RAD51C: variants seen among roughly 807,000 people sequenced by gnomAD.
The protein encoded by RAD51C is RAD51 paralog C, also known as DNA repair protein RAD51 homolog 3.
Under a neutral mutation model 45.0 loss-of-function variants are expected in RAD51C, and 42 were observed. The ratio of observed to expected loss-of-function variants is 0.93; its 90% CI spans 0.73 to 1.21. RAD51C has a LOEUF of 1.21. RAD51C is among the 50% of genes most tolerant of loss of function. The probability of loss-of-function intolerance (pLI) is 0.00; values close to 1 mark genes in which losing one functional copy is unlikely to be tolerated. For missense variants in RAD51C, 474 were observed against 452.2 expected (o/e 1.05, Z -0.44); for synonymous variants, 172 against 159.8 (o/e 1.08, Z -0.58).
intron 7 of RAD51C, 56 bp from the exon 8 acceptor site, chr17:58,732,428 C>T (rs2049465422): frequency 6.8e-7 from 1 of 1,472,702 alleles, no homozygotes; most frequent in Admixed American, 1.7e-5. Flanking sequence ...GTCATCTGAA[C>T]TTTTAATTAA....
intron 7 of RAD51C, 129 bp downstream of exon 7, chr17:58,724,229 C>G: frequency 2.3e-6 from 2 of 851,820 alleles, no homozygotes; most frequent in South Asian, 2.9e-5. Flanking sequence ...CTTTTGTTGC[C>G]TTGTCTGATA....
chr17:58,720,016 TTCGCCCGTCTTGGCCTCCCAA>T (rs2048861054), intron 5 of RAD51C, among the ~76,000 whole-genome samples: 1 of 149,566 alleles, frequency 6.7e-6, no homozygotes, highest in African/African-American at 2.5e-5. Flanking sequence ...GACCTCGTGA[TTCGCCCGTCTTGGCCTCCCAA>T]AGTGCTGGGA....
chr17:58,732,998 T>C (rs768517156), intron 8 of RAD51C, among the ~76,000 whole-genome samples: 3 of 152,120 alleles, frequency 2.0e-5, no homozygotes, highest in Non-Finnish European at 4.4e-5. Flanking sequence ...TTATCAATAG[T>C]GTTGAGCCAA....
chr17:58,697,542 A>G (rs549246421), intron 3 of RAD51C, among the ~76,000 whole-genome samples: 89 of 125,230 alleles, frequency 7.1e-4, no homozygotes, highest in African/African-American at 2.1e-3. Flanking sequence ...CTGTCTCTTA[A>G]AAAAAAAAAA....
chr17:58,727,479 G>A (rs149672041), intron 7 of RAD51C, among the ~76,000 whole-genome samples: 71 of 152,110 alleles, frequency 4.7e-4, no homozygotes, highest in African/African-American at 1.6e-3. Context: ...TTTCTAGAAG[G>A]TAATTGTAGT....
Position 58,710,000 on chromosome 17 carries a change from A to G in RAD51C, c.837+10A>G. 1.9e-6 allele frequency: 3 copies of G among 1,609,268 alleles called. No homozygotes were observed. Among genetic ancestry groups the G allele is most frequent in the Non-Finnish European group, 2.6e-6 (3 of 1,175,728 alleles). ...TAATCACAGATTAGCTGTAAGTATT[A>G]ACTAGTGAAGAGAGTTTTATAACAA... On this transcript the variant is annotated intron_variant, in intron 5 of 8. Coordinates refer to ENST00000337432, the MANE Select transcript of RAD51C (RefSeq NM_058216.3).
Position 58,734,290 on chromosome 17 carries a change from G to A in RAD51C, c.*68G>A. On this transcript the variant is annotated 3_prime_UTR_variant, in exon 9 of 9. Transcript: ENST00000337432. ...GAAATCAATGTGTACAAGTGGACTT[G>A]TTACCTTAAAGTATAAATAAACACA... 1 of 1,563,510 alleles carries A rather than the reference G, an allele frequency of 6.4e-7. No homozygotes were observed. The highest frequency in any genetic ancestry group is 8.7e-7 in the Non-Finnish European group (1 of 1,151,612).
intron 5 of RAD51C, among the ~76,000 whole-genome samples, chr17:58,714,355 T>C (rs2048658877): frequency 2.0e-5 from 3 of 152,228 alleles, no homozygotes; most frequent in Non-Finnish European, 2.9e-5. Flanking sequence ...TTTTATGTTA[T>C]AAAATTACCC....
chr17:58,696,298 T>G (rs1567787744), intron 2 of RAD51C, among the ~76,000 whole-genome samples: 1 of 151,960 alleles, frequency 6.6e-6, no homozygotes, highest in Non-Finnish European at 1.5e-5. Flanking sequence ...CCGGGCGTGG[T>G]GGCGGGTGCT....
At position 58,705,790 on chromosome 17, in the gene RAD51C, C is replaced by T. The variant is rs182316091; in HGVS notation, c.705+2461C>T. The T allele has an allele frequency of 1.8e-3, 271 of 152,008 alleles. 2 individuals are homozygous for T. Among genetic ancestry groups the T allele is most frequent in the African/African-American group, 6.3e-3 (260 of 41,438 alleles). The allele number at this position is 152,008 out of a possible 1,614,324, so 9.4% of individuals were successfully genotyped here. A position where few individuals can be genotyped will look rare whatever the true frequency, so the allele number is the denominator to read the frequency against. On this transcript the variant is annotated intron_variant, in intron 4 of 8. Transcript: ENST00000337432. Reference sequence around the variant, plus strand: ...ATTTTAAGGGGACATAATTGAGTTCCCAGAAGTTTGCCCCTGGCCCCTTGC... The same window carrying T: ...ATTTTAAGGGGACATAATTGAGTTCTCAGAAGTTTGCCCCTGGCCCCTTGC...
intron 3 of RAD51C, 76 bp from the exon 4 acceptor site, chr17:58,703,120 T>TA: frequency 6.7e-7 from 1 of 1,500,844 alleles, no homozygotes; most frequent in Non-Finnish European, 9.2e-7. Flanking sequence ...ATTTTGTTAT[T>TA]AAAAAGCATT....
chr17:58,700,613 T>C (rs948929999), intron 3 of RAD51C, among the ~76,000 whole-genome samples: 46 of 151,896 alleles, frequency 3.0e-4, no homozygotes, highest in African/African-American at 1.0e-3. Flanking sequence ...TGGCTGACTT[T>C]GTATTTTTAG....
At chr17:58,710,063 C>A (rs748019192) in intron 5 of RAD51C, 73 bp downstream of exon 5, 7 of 1,494,592 alleles carry the variant, frequency 4.7e-6, no homozygotes, top group South Asian at 2.3e-5. Context: ...CTAGAAATGT[C>A]AAAATAGCGT....
intron 5 of RAD51C, among the ~76,000 whole-genome samples, chr17:58,715,362 G>T (rs1009292759): frequency 6.6e-6 from 1 of 150,686 alleles, no homozygotes; most frequent in African/African-American, 2.4e-5. Flanking sequence ...GCTGAGGCAG[G>T]AGAATTGCTT....
chr17:58,714,425 A>G (rs2048661131), intron 5 of RAD51C, among the ~76,000 whole-genome samples: 1 of 152,198 alleles, frequency 6.6e-6, no homozygotes, highest in South Asian at 2.1e-4. Flanking sequence ...TTGTTTTCCC[A>G]TATCTTTACC....
chr17:58,712,805 C>G (rs904731735), intron 5 of RAD51C, among the ~76,000 whole-genome samples: 2 of 150,526 alleles, frequency 1.3e-5, no homozygotes, highest in African/African-American at 4.9e-5. Context: ...GGCGACAGAG[C>G]AAGACTCCGT....
intron 6 of RAD51C, among the ~76,000 whole-genome samples, chr17:58,722,960 G>T (rs1274757144): frequency 6.6e-6 from 1 of 152,148 alleles, no homozygotes; most frequent in Non-Finnish European, 1.5e-5. Flanking sequence ...AATCAGTAGG[G>T]TAATGACAAA....
At chr17:58,724,158 A>C (rs945331551) in intron 7 of RAD51C, 58 bp downstream of exon 7, 20 of 1,503,696 alleles carry the variant, frequency 1.3e-5, no homozygotes, top group Admixed American at 1.7e-5. Flanking sequence ...CTGAATGAAC[A>C]CTTACAGGTT....
intron 5 of RAD51C, among the ~76,000 whole-genome samples, chr17:58,720,362 G>A (rs2048873317): frequency 6.6e-6 from 1 of 151,264 alleles, no homozygotes; most frequent in African/African-American, 2.4e-5. Flanking sequence ...CTTGCTGTGG[G>A]CAGAGATTGT....
Sources: allele counts gnomAD v4.1 joint callset (sites outside exome capture counted in the v4.1 genomes callset), GRCh38; gene constraint gnomAD v4.1.1; transcripts MANE v1.5; gene names NCBI Gene and HGNC (gene_info 2026-07-23, HGNC 2026-07-21).